CRHR1: variants seen among roughly 807,000 people sequenced by gnomAD.
CRHR1 encodes the protein corticotropin-releasing hormone receptor 1.
In CRHR1, 28 loss-of-function variants were observed where a neutral mutation model predicts 56.0. The observed-to-expected ratio is 0.50, with a 90% confidence interval of 0.37 to 0.69. The LOEUF (loss-of-function observed/expected upper bound fraction) is 0.69. Among genes scored for constraint, CRHR1 ranks in the 30% least tolerant of loss-of-function variants. The pLI is 0.00. For synonymous variants in CRHR1, 195 were observed against 216.5 expected (o/e 0.90, Z 0.87); for missense variants, 376 against 548.0 (o/e 0.69, Z 3.13).
chr17:45,786,213 A>G (rs2061333688), intron 1 of CRHR1, among the ~76,000 whole-genome samples: 1 of 150,580 alleles, frequency 6.6e-6, no homozygotes, highest in Non-Finnish European at 1.5e-5. Flanking sequence ...CTCTGTTTAG[A>G]ATGATCATGT....
At position 45,823,318 on chromosome 17, in the gene CRHR1, C is replaced by T. The variant is rs148217095; in HGVS notation, c.327+1878C>T. Reference sequence around the variant, plus strand: ...AAAAGTGAGAAACTCTAATCTAGTGCGACCCGTTCACACTACAGATGGGGA... The same window carrying T: ...AAAAGTGAGAAACTCTAATCTAGTGTGACCCGTTCACACTACAGATGGGGA... On this transcript the variant is annotated intron_variant, in intron 4 of 12. Coordinates refer to ENST00000314537, the MANE Select transcript of CRHR1 (RefSeq NM_004382.5). 1.6e-4 allele frequency among the ~76,000 whole-genome samples: 24 copies of T among 151,268 alleles called. No homozygotes were observed. In the East Asian group the frequency reaches 3.7e-3, roughly 23 times the overall value.
chr17:45,807,961 T>A (rs145147685), intron 2 of CRHR1, among the ~76,000 whole-genome samples: 1 of 152,106 alleles, frequency 6.6e-6, no homozygotes, highest in Non-Finnish European at 1.5e-5. Context: ...TTTAAAACTT[T>A]GGGTGTGGTC....
chr17:45,821,358 A>G lies in CRHR1; in HGVS notation c.245A>G (p.Asn82Ser). 3 of 1,613,490 alleles carry G rather than the reference A, an allele frequency of 1.9e-6. No homozygotes were observed. Among genetic ancestry groups the G allele is most frequent in the Non-Finnish European group, 2.5e-6 (3 of 1,179,988 alleles). ...FYGVRYNTTNNGYRECLANGS... is the reference protein window; with the variant it reads ...FYGVRYNTTNSGYRECLANGS... ...TGCCTCTCTCTTCCTTTTCCAGACA[A>G]TGGCTACCGGGAGTGCCTGGCCAAT... is the stretch of plus-strand genomic sequence containing the variant. The change falls in exon 4 of 13, where the codon AAT (asparagine) becomes AGT (serine). Residue 82 changes from asparagine (N) to serine (S), a missense_variant. Asn to Ser is a conservative substitution (Grantham distance 46). Coordinates refer to ENST00000314537, the MANE Select transcript of CRHR1 (RefSeq NM_004382.5).
At chr17:45,791,848 T>TCA (rs1276459029) in intron 1 of CRHR1, among the ~76,000 whole-genome samples, 160 of 123,412 alleles carry the variant, frequency 1.3e-3, no homozygotes, top group Non-Finnish European at 2.2e-3. Flanking sequence ...TCTCTCTCTC[T>TCA]CTCTCACACA....
At chr17:45,830,825 G>T in intron 7 of CRHR1, 55 bp from the exon 8 acceptor site, 3 of 1,570,590 alleles carry the variant, frequency 1.9e-6, no homozygotes, top group East Asian at 4.5e-5. Flanking sequence ...GGTTCTCCAG[G>T]CCCACATCCT....
intron 3 of CRHR1, among the ~76,000 whole-genome samples, chr17:45,817,277 G>A (rs2061948841): frequency 6.6e-6 from 1 of 152,256 alleles, no homozygotes; most frequent in Non-Finnish European, 1.5e-5. Context: ...AATGAGTCAG[G>A]TCCCTGCTTA....
intron 1 of CRHR1, among the ~76,000 whole-genome samples, chr17:45,794,593 CTT>C (rs2061485363): frequency 6.6e-6 from 1 of 152,124 alleles, no homozygotes; most frequent in Non-Finnish European, 1.5e-5. Context: ...GGAGGAAACT[CTT>C]TGGTTTACTC....
intron 4 of CRHR1, chr17:45,825,588 G>A (rs1436459446): frequency 6.5e-6 from 1 of 154,586 alleles, no homozygotes; most frequent in Non-Finnish European, 1.5e-5. Context: ...CTCACCGTGT[G>A]GGGAGAGGTG....
In CRHR1 at chr17:45,834,794, A is replaced by C. The variant is rs750624568; in HGVS notation, c.*30A>C. 114 of 1,612,618 alleles carry C rather than the reference A, an allele frequency of 7.1e-5. 1 individual carries two copies. In the South Asian group the frequency reaches 1.2e-3, roughly 17 times the overall value. ...GCAGGTCATGGAGCAGCCCCCAAAG[A>C]GCTGTGGCTGGGGGGATGACGGCCA... On this transcript the variant is annotated 3_prime_UTR_variant, in exon 13 of 13. Coordinates refer to ENST00000314537, the MANE Select transcript of CRHR1 (RefSeq NM_004382.5).
At chr17:45,818,798 C>T (rs1044163353) in intron 3 of CRHR1, among the ~76,000 whole-genome samples, 2 of 152,192 alleles carry the variant, frequency 1.3e-5, no homozygotes, top group Admixed American at 6.5e-5. Context: ...AGGCCTTCTC[C>T]CTAATGCCCT....
At chr17:45,789,786 G>A (rs1275379451) in intron 1 of CRHR1, among the ~76,000 whole-genome samples, 1 of 152,226 alleles carries the variant, frequency 6.6e-6, no homozygotes. Context: ...AACAGCAGAT[G>A]AAGCAAATGT....
intron 1 of CRHR1, among the ~76,000 whole-genome samples, chr17:45,795,710 A>G (rs928697322): frequency 6.6e-6 from 1 of 152,134 alleles, no homozygotes; most frequent in Non-Finnish European, 1.5e-5. Flanking sequence ...ATTGAACCCC[A>G]ATTTTGGGGG....
At chr17:45,792,934 A>T (rs2061452512) in intron 1 of CRHR1, among the ~76,000 whole-genome samples, 1 of 152,214 alleles carries the variant, frequency 6.6e-6, no homozygotes, top group Non-Finnish European at 1.5e-5. Context: ...AAAACAAAAC[A>T]AAAAAATAAC....
intron 4 of CRHR1, among the ~76,000 whole-genome samples, chr17:45,821,681 T>A (rs2062045256): frequency 6.6e-6 from 1 of 152,198 alleles, no homozygotes; most frequent in Non-Finnish European, 1.5e-5. Flanking sequence ...GGGTCCTTGT[T>A]CCTTCCTTCC....
chr17:45,788,448 G>A (rs2061372785), intron 1 of CRHR1, among the ~76,000 whole-genome samples: 1 of 152,214 alleles, frequency 6.6e-6, no homozygotes, highest in Non-Finnish European at 1.5e-5. Flanking sequence ...GCCACGAACT[G>A]GATTCCCAGC....
Position 45,809,726 on chromosome 17 carries a change from G to A in CRHR1, c.121+2629G>A, listed in dbSNP as rs193080950. On this transcript the variant is annotated intron_variant, in intron 2 of 12. Coordinates refer to ENST00000314537, the MANE Select transcript of CRHR1 (RefSeq NM_004382.5). ...AGATGGATGGGCGTCTGGCCGGGGC[G>A]GCTGGCACCGAGCCAGGGCCTTTGG... is the stretch of plus-strand genomic sequence containing the variant. Among the ~76,000 whole-genome samples the A allele has an allele frequency of 5.8e-3, 888 of 152,378 alleles. 8 individuals carry two copies. Among genetic ancestry groups the A allele is most frequent in the African/African-American group, 0.02 (824 of 41,592 alleles).
chr17:45,821,233 C>T, intron 3 of CRHR1, 122 bp from the exon 4 acceptor site: 1 of 855,370 alleles, frequency 1.2e-6, no homozygotes, highest in Non-Finnish European at 2.0e-6. Context: ...ACTACACAAC[C>T]CCCAGCCAGC....
intron 1 of CRHR1, among the ~76,000 whole-genome samples, chr17:45,790,110 C>T (rs1292756082): frequency 1.3e-5 from 2 of 152,182 alleles, no homozygotes. Flanking sequence ...GCACTTTTCA[C>T]AGTCCCTGGG....
intron 3 of CRHR1, among the ~76,000 whole-genome samples, chr17:45,821,023 C>G (rs1300073798): frequency 6.6e-6 from 1 of 152,260 alleles, no homozygotes; most frequent in Non-Finnish European, 1.5e-5. Flanking sequence ...GAGCACCTAC[C>G]TGTCATCTGC....
Sources: gnomAD v4.1 joint callset for allele counts (sites outside exome capture counted in the v4.1 genomes callset) on GRCh38, gnomAD v4.1.1 for gene constraint, MANE v1.5 for transcripts, NCBI Gene and HGNC (gene_info 2026-07-23, HGNC 2026-07-21) for gene names.